Variants in SMIM19 observed in about 807,000 individuals in gnomAD.
SMIM19 encodes small integral membrane protein 19, also known as UPF0697 protein C8orf40.
SMIM19 carries 6 observed loss-of-function variants against 13.2 expected under a neutral mutation model. The ratio of observed to expected loss-of-function variants is 0.45; its 90% confidence interval spans 0.25 to 0.90. The LOEUF (loss-of-function observed/expected upper bound fraction) is 0.90, where lower values mean the gene tolerates loss of function less well. Among genes scored for constraint, SMIM19 ranks in the 40% least tolerant of loss-of-function variants. The probability of loss-of-function intolerance (pLI) is 0.19; values close to 1 mark genes in which losing one functional copy is unlikely to be tolerated. For synonymous variants in SMIM19, 46 were observed against 43.1 expected, an observed-to-expected ratio of 1.07 and a Z score of -0.27; for missense variants, 138 against 131.0, an observed-to-expected ratio of 1.05 and a Z score of -0.26.
At chr8:42,552,032 A>T (rs946552524) in intron 3 of SMIM19, among the ~76,000 whole-genome samples, 1 of 152,202 alleles carries the variant, frequency 6.6e-6, no homozygotes, top group Non-Finnish European at 1.5e-5. Context: ...ATAATAATAA[A>T]CATATAAAAA....
intron 3 of SMIM19, among the ~76,000 whole-genome samples, chr8:42,551,311 CAAAA>C: frequency 8.4e-6 from 1 of 118,508 alleles, no homozygotes; most frequent in Admixed American, 8.8e-5. Flanking sequence ...GAGCGAGACT[CAAAA>C]AAAAAAAAAA....
In SMIM19 at chr8:42,552,833, G is replaced by A. The variant is rs1276020340; in HGVS notation, c.*225G>A. On this transcript the variant is annotated 3_prime_UTR_variant, in exon 4 of 4. Transcript: ENST00000417410. ...CATATCCAGGATATGTGTAACCAGC[G>A]ATGGTGACTTGACCTTGCCAAGACC... is the stretch of plus-strand genomic sequence containing the variant. The A allele has an allele frequency of 1.1e-5, 5 of 468,510 alleles. No individual in the cohort carries two copies. Among genetic ancestry groups the A allele is most frequent in the East Asian group, 3.2e-5 (1 of 31,472 alleles). The allele number at this position is 468,510 out of a possible 1,614,324, so 29.0% of individuals were successfully genotyped here. A position where few individuals can be genotyped will look rare whatever the true frequency, so the allele number is the denominator to read the frequency against.
rs749848286 is a variant in SMIM19 at position 42,552,540 on chromosome 8, A to G, written c.260-4A>G. 6.2e-7 allele frequency: 1 copy of G among 1,613,942 alleles called. No homozygotes were observed. The highest frequency in any genetic ancestry group is 8.5e-7 in the Non-Finnish European group (1 of 1,179,940). ...TTATCTCTTCTTTTTCTTGTTGTGAATAGCAAGAAAGTACGACTATCAGCA... is the reference window on the plus strand; with the variant it reads ...TTATCTCTTCTTTTTCTTGTTGTGAGTAGCAAGAAAGTACGACTATCAGCA... On this transcript the variant is annotated splice_polypyrimidine_tract_variant and splice_region_variant and intron_variant, in intron 3 of 3. Transcript: ENST00000417410.
rs534690374 is a variant in SMIM19, at chr8:42,552,231, C to A, written c.260-313C>A. 2.6e-4 allele frequency among the ~76,000 whole-genome samples: 39 copies of A among 152,146 alleles called. 1 individual carries two copies. The highest frequency in any genetic ancestry group is 3.4e-3 in the Middle Eastern group (1 of 292). ...GCCAGGAGTTCAAGACCAGCCTGGG[C>A]AACATGGCGAGACCCTATCTCTGCA... On this transcript the variant is annotated intron_variant, in intron 3 of 3. Coordinates refer to ENST00000417410, the MANE Select transcript of SMIM19 (RefSeq NM_001135674.2).
chr8:42,548,602 A>T, intron 2 of SMIM19, 54 bp from the exon 3 acceptor site: 1 of 1,604,594 alleles, frequency 6.2e-7, no homozygotes. Context: ...TGAGCATATT[A>T]CAACTCTATA....
chr8:42,552,405 GA>G, intron 3 of SMIM19, 138 bp from the exon 4 acceptor site: 1 of 808,230 alleles, frequency 1.2e-6, no homozygotes. Flanking sequence ...GTATCAGAGG[GA>G]GACTCTATCT....
intron 3 of SMIM19, 41 bp from the exon 4 acceptor site, chr8:42,552,503 G>T: frequency 6.2e-7 from 1 of 1,600,974 alleles, no homozygotes; most frequent in Non-Finnish European, 8.5e-7. Flanking sequence ...TCATTTTGCA[G>T]TTTTATTAAT....
rs1364702768 is a variant in SMIM19 at position 42,546,498 on chromosome 8, G to GT, written c.27dup (p.Asp10Ter). On this transcript the variant is annotated frameshift_variant, in exon 2 of 4. Coordinates refer to ENST00000417410, the MANE Select transcript of SMIM19 (RefSeq NM_001135674.2). LOFTEE classifies it high-confidence loss of function. ...ATGGCTGGGGGTTATGGAGTGATGG[G>GT]TGACGATGGTTCTATTGATTATACT... 6.2e-7 allele frequency: 1 copy of GT among 1,613,342 alleles called. No individual in the cohort carries two copies. The highest frequency in any genetic ancestry group is 8.5e-7 in the Non-Finnish European group (1 of 1,179,870).
intron 1 of SMIM19, among the ~76,000 whole-genome samples, chr8:42,544,371 A>T (rs1340554359): frequency 6.6e-6 from 1 of 150,820 alleles, no homozygotes; most frequent in Non-Finnish European, 1.5e-5. Context: ...AGATCGTGCC[A>T]CTGCATTCCA....
intron 3 of SMIM19, among the ~76,000 whole-genome samples, chr8:42,551,341 T>C (rs1334299284): frequency 6.6e-6 from 1 of 150,614 alleles, no homozygotes; most frequent in Non-Finnish European, 1.5e-5. Flanking sequence ...TTAGAAGAGA[T>C]TGAAAGTTTT....
Position 42,552,614 on chromosome 8 carries a change from C to G in SMIM19, c.*6C>G, listed in dbSNP as rs1813711585. ...TGCAACTCTCATTGGAATGAAACCT[C>G]AGAAAAAGAGCAACAGAAGTAATTG... is the stretch of plus-strand genomic sequence containing the variant. On this transcript the variant is annotated 3_prime_UTR_variant, in exon 4 of 4. Coordinates refer to ENST00000417410, the MANE Select transcript of SMIM19 (RefSeq NM_001135674.2). 1.2e-6 allele frequency: 2 copies of G among 1,613,644 alleles called. No homozygotes were observed. The highest frequency in any genetic ancestry group is 1.7e-5 in the Admixed American group (1 of 59,952).
intron 2 of SMIM19, 75 bp downstream of exon 2, chr8:42,546,681 A>G (rs1813498810): frequency 2.8e-5 from 44 of 1,544,200 alleles, no homozygotes; most frequent in Non-Finnish European, 3.6e-5. Context: ...TATGAAATGA[A>G]TGCATAAAAG....
intron 3 of SMIM19, among the ~76,000 whole-genome samples, chr8:42,550,724 G>A (rs1415882248): frequency 6.6e-6 from 1 of 152,090 alleles, no homozygotes; most frequent in Non-Finnish European, 1.5e-5. Flanking sequence ...AGTCCCTTTT[G>A]TCTTGTGAGG....
chr8:42,546,064 C>T (rs528810502), intron 1 of SMIM19, among the ~76,000 whole-genome samples: 53 of 152,224 alleles, frequency 3.5e-4, no homozygotes, highest in Non-Finnish European at 7.5e-4. Context: ...TATCAAAATC[C>T]GTAGATGCCC....
chr8:42,541,516 A>G (rs1463053263), upstream of SMIM19: 2 of 115,336 alleles, frequency 1.7e-5, no homozygotes, highest in East Asian at 5.4e-4. Context: ...AAAAGGGGAA[A>G]GGAAAAAAAA....
chr8:42,544,511 T>G (rs73675085), intron 1 of SMIM19, among the ~76,000 whole-genome samples: 1 of 52,876 alleles, frequency 1.9e-5, no homozygotes, highest in Non-Finnish European at 6.0e-5. Context: ...TTGGGTATAG[T>G]CTAGTGTTTA....
At chr8:42,552,075 C>A (rs1040023048) in intron 3 of SMIM19, among the ~76,000 whole-genome samples, 1 of 152,058 alleles carries the variant, frequency 6.6e-6, no homozygotes, top group African/African-American at 2.4e-5. Context: ...ATTAGAGGAT[C>A]ATGAAGTGTA....
intron 3 of SMIM19, among the ~76,000 whole-genome samples, chr8:42,550,191 T>C (rs897115309): frequency 1.3e-5 from 2 of 152,190 alleles, no homozygotes; most frequent in Non-Finnish European, 2.9e-5. Flanking sequence ...AAAAGTTATT[T>C]GCTGTCAGTA....
chr8:42,544,755 C>T (rs755495693), intron 1 of SMIM19, among the ~76,000 whole-genome samples: 15 of 152,184 alleles, frequency 9.9e-5, no homozygotes, highest in Non-Finnish European at 1.8e-4. Flanking sequence ...GTCACGTTGT[C>T]AGAAAGGCAG....
Sources: gnomAD v4.1 joint callset for allele counts (sites outside exome capture counted in the v4.1 genomes callset) on GRCh38, gnomAD v4.1.1 for gene constraint, MANE v1.5 for transcripts, NCBI Gene and HGNC (gene_info 2026-07-23, HGNC 2026-07-21) for gene names.